The following SEC16A variants were observed in gnomAD, a reference collection of about 807,000 sequenced individuals.
SEC16A encodes protein transport protein Sec16A.
A neutral mutation model predicts 221.9 loss-of-function variants in SEC16A; 110 were observed. That is an observed-to-expected ratio of 0.50 (90% CI 0.42 to 0.58). The LOEUF (loss-of-function observed/expected upper bound fraction) is 0.58. SEC16A is among the 20% of genes least tolerant of loss of function. The pLI, the probability that SEC16A is intolerant of heterozygous loss-of-function variation, is 0.00. For missense variants in SEC16A, 3,165 were observed against 3,097.8 expected, an observed-to-expected ratio of 1.02 and a Z score of -0.52; for synonymous variants, 1,393 against 1,257.7, an observed-to-expected ratio of 1.11 and a Z score of -2.28.
intron 2 of SEC16A, among the ~76,000 whole-genome samples, chr9:136,478,402 C>CAAAAAAAAA (rs34093106): frequency 1.0e-5 from 1 of 95,272 alleles, no homozygotes; most frequent in Non-Finnish European, 2.0e-5. Flanking sequence ...GTCCCTAGCT[C>CAAAAAAAAA]AAAAAAAAAA....
chr9:136,450,031 C>A (rs1837571061), intron 23 of SEC16A, among the ~76,000 whole-genome samples: 1 of 151,414 alleles, frequency 6.6e-6, no homozygotes, highest in African/African-American at 2.4e-5. Flanking sequence ...TGGTGAAACC[C>A]CATCTCTACT....
chr9:136,456,744 C>G (rs754872653), intron 18 of SEC16A, among the ~76,000 whole-genome samples: 1 of 152,224 alleles, frequency 6.6e-6, no homozygotes, highest in African/African-American at 2.4e-5. Context: ...CCCATACTCT[C>G]GTCAGTCATG....
At position 136,441,692 on chromosome 9, in the gene SEC16A, T is replaced by A; in HGVS notation, c.*63A>T. The A allele has an allele frequency of 2.0e-6, 3 of 1,501,608 alleles. No homozygotes were observed. In the South Asian group the frequency reaches 3.4e-5, roughly 17 times the overall value. 93.0% of individuals were successfully genotyped at this position (1,501,608 alleles called of 1,614,324 possible). A position where few individuals can be genotyped will look rare whatever the true frequency, so the allele number is the denominator to read the frequency against. ...GCGGGACGGAGATCGCGGAGGTCGG[T>A]CGGGTTCTTCGGGGAGAACAGCAGC... On this transcript the variant is annotated 3_prime_UTR_variant, in exon 32 of 32. Transcript: ENST00000684901.
chr9:136,477,764 G>C, intron 2 of SEC16A, 80 bp from the exon 3 acceptor site: 1 of 1,319,954 alleles, frequency 7.6e-7, no homozygotes, highest in Non-Finnish European at 1.0e-6. Context: ...TAAGGAAAAA[G>C]AGAAACATTG....
Position 136,482,965 on chromosome 9 carries a change from A to G in SEC16A, c.-219T>C, listed in dbSNP as rs1842602303. The G allele has an allele frequency of 4.1e-6, 4 of 984,552 alleles. No individual in the cohort carries two copies. The highest frequency in any genetic ancestry group is 4.8e-6 in the Non-Finnish European group (4 of 829,640). The allele number at this position is 984,552 out of a possible 1,614,324, so 61.0% of individuals were successfully genotyped here. A position where few individuals can be genotyped will look rare whatever the true frequency, so the allele number is the denominator to read the frequency against. Reference sequence around the variant, plus strand: ...GCGCGGCTGAGACCGATCCCTCAGGAGCCGCGGGCGAAAGCCCACCCGACG... The same window carrying G: ...GCGCGGCTGAGACCGATCCCTCAGGGGCCGCGGGCGAAAGCCCACCCGACG... On this transcript the variant is annotated 5_prime_UTR_variant, in exon 1 of 32. Transcript: ENST00000684901.
intron 13 of SEC16A, 70 bp downstream of exon 13, chr9:136,461,107 G>T (rs932848319): frequency 2.5e-6 from 3 of 1,209,582 alleles, no homozygotes; most frequent in Non-Finnish European, 3.6e-6. Flanking sequence ...CTGCCCCCAG[G>T]GTGCGGACGC....
rs1163336315 is a variant in SEC16A at position 136,472,011 on chromosome 9, G to A, written c.3668C>T (p.Ser1223Phe). ...YRYPEPERPS[S>F]RASHSSERPP... ...CCGTTCCGAGGAGTGGCTGGCTCGG[G>A]AGCTGGGCCGCTCGGGCTCGGGATA... The change falls in exon 4 of 32, where the codon TCC becomes TTC. Residue 1223 changes from serine to phenylalanine, a missense_variant. Transcript: ENST00000684901. 3.2e-5 allele frequency: 52 copies of A among 1,611,556 alleles called. No individual in the cohort carries two copies. Among genetic ancestry groups the A allele is most frequent in the Non-Finnish European group, 4.2e-5 (49 of 1,179,874 alleles).
intron 22 of SEC16A, 89 bp downstream of exon 22, chr9:136,453,339 C>T (rs957543654): frequency 1.1e-6 from 1 of 920,160 alleles, no homozygotes; most frequent in Non-Finnish European, 1.8e-6. Flanking sequence ...GTCCTCACTA[C>T]CATCATCTTA....
chr9:136,462,851 T>G (rs763431590), intron 12 of SEC16A, 36 bp downstream of exon 12: 11 of 1,591,512 alleles, frequency 6.9e-6, no homozygotes, highest in Non-Finnish European at 9.4e-6. Flanking sequence ...CCAGTGGACA[T>G]GTGCAGGCGC....
At chr9:136,449,611 C>T (rs906721395) in intron 23 of SEC16A, among the ~76,000 whole-genome samples, 1 of 152,188 alleles carries the variant, frequency 6.6e-6, no homozygotes, top group Admixed American at 6.5e-5. Flanking sequence ...GCTGGGGTGA[C>T]AGGTGTGAGC....
chr9:136,459,115 G>A lies in SEC16A; in HGVS notation c.5409+19C>T. ...GCCTGCCCAGCCATGACAGCTGCAG[G>A]CTGGCAGCACCTGCTTACCTGGAAA... On this transcript the variant is annotated intron_variant, in intron 17 of 31. Coordinates refer to ENST00000684901, the MANE Select transcript of SEC16A (RefSeq NM_014866.2). The surrounding 1 kb of genome is among the most constrained non-coding windows in gnomAD (Gnocchi z 6.1). The A allele has an allele frequency of 6.3e-7, 1 of 1,581,092 alleles. No homozygotes were observed. Among genetic ancestry groups the A allele is most frequent in the Non-Finnish European group, 8.7e-7 (1 of 1,155,130 alleles).
In SEC16A at chr9:136,474,341, T is replaced by C. The variant is rs2132845561; in HGVS notation, c.3275A>G (p.Gln1092Arg). 6.2e-7 allele frequency: 1 copy of C among 1,612,478 alleles called. No individual in the cohort carries two copies. The highest frequency in any genetic ancestry group is 1.7e-4 in the Middle Eastern group (1 of 6,060). ...TGGTGACTGTGCTGAGTTCTGGGCC[T>C]GTCCCTGTGCGGGCAGACTTTCTGG... Reference protein sequence around the residue: ...SNPESLPAQGQAQNSAQSPAS... With the variant: ...SNPESLPAQGRAQNSAQSPAS... Residue 1092 changes from glutamine (Q) to arginine (R), a missense_variant, in exon 3 of 32, where the codon CAG becomes CGG. By Grantham distance (43) the Gln-to-Arg change is conservative. Transcript: ENST00000684901.
chr9:136,444,074 G>C (rs990525067), intron 30 of SEC16A, 174 bp from the exon 31 acceptor site: 1 of 526,574 alleles, frequency 1.9e-6, no homozygotes, highest in African/African-American at 2.0e-5. Context: ...ATGGTTCAGA[G>C]AAAAATGGTG....
chr9:136,472,875 A>C (rs1015621582), intron 3 of SEC16A, among the ~76,000 whole-genome samples: 9 of 152,224 alleles, frequency 5.9e-5, no homozygotes, highest in Non-Finnish European at 1.2e-4. Context: ...GCACGGCGGG[A>C]GGAGTGCACT....
Position 136,455,811 on chromosome 9 carries a change from C to A in SEC16A, c.5665-18G>T. On this transcript the variant is annotated intron_variant, in intron 19 of 31. Coordinates refer to ENST00000684901, the MANE Select transcript of SEC16A (RefSeq NM_014866.2). ...GCCCCCTCCTGAGGGAGAACAAGAC[C>A]TGCCCTGTGGAAGCCGCCTGTGGCC... The A allele has an allele frequency of 6.3e-7, 1 of 1,578,686 alleles. No individual in the cohort carries two copies. Among genetic ancestry groups the A allele is most frequent in the Non-Finnish European group, 8.6e-7 (1 of 1,162,508 alleles).
At chr9:136,457,171 T>C (rs1388573228) in intron 18 of SEC16A, among the ~76,000 whole-genome samples, 1 of 152,212 alleles carries the variant, frequency 6.6e-6, no homozygotes, top group Non-Finnish European at 1.5e-5. Flanking sequence ...TGAGACTGCG[T>C]CTCAATAAAA....
chr9:136,477,548 C>T lies in SEC16A; in HGVS notation c.68G>A (p.Ser23Asn). 6.2e-7 allele frequency: 1 copy of T among 1,613,418 alleles called. No individual in the cohort carries two copies. The highest frequency in any genetic ancestry group is 8.5e-7 in the Non-Finnish European group (1 of 1,179,812). ...AGPPPAGNPR[S>N]VFWASSPYRR... is the part of the protein sequence containing the mutation. ...GTAAGGGCTGCTAGCCCAGAACACGCTCCGAGGATTCCCGGCTGGAGGTGG... is the reference window on the plus strand; with the variant it reads ...GTAAGGGCTGCTAGCCCAGAACACGTTCCGAGGATTCCCGGCTGGAGGTGG... Residue 23 changes from serine (S) to asparagine (N), a missense_variant, in exon 3 of 32, where the codon AGC becomes AAC. By Grantham distance (46) the Ser-to-Asn change is conservative. Around this residue, in one of 3 missense-constraint regions of SEC16A, gnomAD observed 2,030 missense variants for 1,923.1 expected, o/e 1.06. Coordinates refer to ENST00000684901, the MANE Select transcript of SEC16A (RefSeq NM_014866.2).
rs1189328896 is a variant in SEC16A, at chr9:136,476,012, C to T, written c.1604G>A (p.Gly535Asp). ...YSSRSHGRLS[G>D]SARPQELVGT... ...AACCAGCTCCTGGGGCCTGGCTGAG[C>T]CTGAGAGCCTTCCGTGGCTTCTGCT... Residue 535 changes from glycine (G) to aspartate (D), a missense_variant, in exon 3 of 32, where the codon GGC (glycine) becomes GAC (aspartate). Physicochemically the swap from Gly to Asp is moderately conservative, Grantham distance 94 (BLOSUM62 -1). This residue lies in a region of SEC16A where 2,030 missense variants were observed against 1,923.1 expected (regional missense o/e 1.06). Coordinates refer to ENST00000684901, the MANE Select transcript of SEC16A (RefSeq NM_014866.2). The T allele has an allele frequency of 6.2e-7, 1 of 1,613,104 alleles. No individual in the cohort carries two copies. Among genetic ancestry groups the T allele is most frequent in the Non-Finnish European group, 8.5e-7 (1 of 1,179,798 alleles).
chr9:136,451,395 G>A lies in SEC16A; in HGVS notation c.6173C>T (p.Thr2058Met), dbSNP rs45519739. Residue 2058 changes from threonine (T) to methionine (M), a missense_variant, in exon 23 of 32, where the codon ACG becomes ATG. Thr to Met is a moderately conservative substitution (Grantham distance 81). Coordinates refer to ENST00000684901, the MANE Select transcript of SEC16A (RefSeq NM_014866.2). ...TGGGGGGGCCTCCGAGTCTGGCACCGTCCTCGAGGGGGTCTGTCGCAAGGA... is the reference window on the plus strand; with the variant it reads ...TGGGGGGGCCTCCGAGTCTGGCACCATCCTCGAGGGGGTCTGTCGCAAGGA... ...GKFANLTPSR[T>M]VPDSEAPPGW... The A allele has an allele frequency of 0.012, 19,995 of 1,606,014 alleles. 185 individuals are homozygous for A. Among genetic ancestry groups the A allele is most frequent in the Non-Finnish European group, 0.015 (17,265 of 1,176,672 alleles).
Sources: allele counts gnomAD v4.1 joint callset (sites outside exome capture counted in the v4.1 genomes callset), GRCh38; gene constraint gnomAD v4.1.1; regional missense constraint gnomAD v4.1.1; non-coding constraint Gnocchi (gnomAD v3.1); transcripts MANE v1.5; gene names NCBI Gene and HGNC (gene_info 2026-07-23, HGNC 2026-07-21).